PHF14: variants seen among roughly 807,000 people sequenced by gnomAD.
PHF14 encodes PHD finger protein 14.
Under a neutral mutation model 117.9 loss-of-function variants are expected in PHF14, and 55 were observed. The observed-to-expected ratio is 0.47, with a 90% CI of 0.38 to 0.58. The LOEUF (loss-of-function observed/expected upper bound fraction) is 0.58. Ranked by LOEUF, PHF14 falls within the 20% of genes least tolerant of loss-of-function variation. The pLI, the probability that PHF14 is intolerant of heterozygous loss-of-function variation, is 0.00. For synonymous variants in PHF14, 409 were observed against 368.6 expected, an observed-to-expected ratio of 1.11 and a Z score of -1.26; for missense variants, 978 against 1,122.2, an observed-to-expected ratio of 0.87 and a Z score of 1.84.
chr7:10,980,896 G>A (rs780165354), intron 2 of PHF14, among the ~76,000 whole-genome samples: 13 of 152,044 alleles, frequency 8.6e-5, no homozygotes, highest in African/African-American at 2.9e-4. Context: ...TTGCTGACCC[G>A]TATGATATTG....
At chr7:11,044,405 A>C (rs1583405974) in intron 13 of PHF14, among the ~76,000 whole-genome samples, 1 of 152,204 alleles carries the variant, frequency 6.6e-6, no homozygotes, top group Non-Finnish European at 1.5e-5. Context: ...TAAACAACTT[A>C]GAGCCTTTTC....
intron 16 of PHF14, among the ~76,000 whole-genome samples, chr7:11,074,937 C>CT (rs751367742): frequency 0.12 from 15,275 of 132,420 alleles, 1,082 homozygotes; most frequent in African/African-American, 0.18. Context: ...TTTCAGATAT[C>CT]TTTTTTTTTT....
At chr7:11,045,350 G>A (rs760102521) in intron 13 of PHF14, among the ~76,000 whole-genome samples, 2 of 151,974 alleles carry the variant, frequency 1.3e-5, no homozygotes, top group African/African-American at 4.8e-5. Flanking sequence ...TTTCATGACT[G>A]TGCCTTAGTC....
chr7:11,061,726 TATTA>T (rs1298854438), intron 14 of PHF14, 61 bp from the exon 15 acceptor site: 2 of 1,184,230 alleles, frequency 1.7e-6, no homozygotes, highest in Non-Finnish European at 1.1e-6. Context: ...TTATATTTAT[TATTA>T]ATTAAACATT....
intron 13 of PHF14, among the ~76,000 whole-genome samples, chr7:11,050,735 A>T (rs913953107): frequency 3.9e-5 from 6 of 152,182 alleles, no homozygotes; most frequent in African/African-American, 1.4e-4. Flanking sequence ...TTAATTTTTA[A>T]TATTACCCAT....
At chr7:10,974,516 A>G (rs1781796387) in intron 1 of PHF14, among the ~76,000 whole-genome samples, 192 bp downstream of exon 1, 2 of 152,112 alleles carry the variant, frequency 1.3e-5, no homozygotes, top group African/African-American at 4.8e-5. Context: ...ATTGACTGTT[A>G]CGATGTCTAA....
At chr7:11,004,774 G>A (rs1208347286) in intron 4 of PHF14, among the ~76,000 whole-genome samples, 1 of 151,178 alleles carries the variant, frequency 6.6e-6, no homozygotes, top group Non-Finnish European at 1.5e-5. Context: ...GGTGGCTCAT[G>A]CCTGTAATCC....
intron 16 of PHF14, chr7:11,104,518 C>T: frequency 1.0e-6 from 1 of 981,184 alleles, no homozygotes; most frequent in Non-Finnish European, 1.2e-6. Flanking sequence ...ATTTCACAGA[C>T]CTACATAAGA....
chr7:11,035,459 A>C (rs1476391667), intron 7 of PHF14, 181 bp from the exon 8 acceptor site: 2 of 365,628 alleles, frequency 5.5e-6, no homozygotes, highest in African/African-American at 4.2e-5. Context: ...GTTGACATAC[A>C]AGATCAAGTT....
chr7:11,035,930 A>G (rs1396410207), intron 8 of PHF14, 144 bp downstream of exon 8: 4 of 662,028 alleles, frequency 6.0e-6, no homozygotes, highest in Admixed American at 2.6e-5. Context: ...TAAGGTAAAT[A>G]GTGAGTATAA....
intron 17 of PHF14, among the ~76,000 whole-genome samples, chr7:11,142,626 C>G (rs1192427848): frequency 6.6e-6 from 1 of 151,988 alleles, no homozygotes; most frequent in Admixed American, 6.6e-5. Flanking sequence ...CTTGTGACAA[C>G]TTTAACCTAT....
intron 16 of PHF14, among the ~76,000 whole-genome samples, chr7:11,076,699 CT>C (rs1033967833): frequency 6.6e-6 from 1 of 151,272 alleles, no homozygotes; most frequent in African/African-American, 2.4e-5. Flanking sequence ...TCCTGAGTAG[CT>C]GAGATTACAG....
chr7:10,978,755 C>T (rs960129343), intron 2 of PHF14, among the ~76,000 whole-genome samples: 1 of 152,158 alleles, frequency 6.6e-6, no homozygotes, highest in Non-Finnish European at 1.5e-5. Flanking sequence ...CCTCCACCTC[C>T]ACTTCCACTG....
At chr7:11,136,478 C>T (rs1158117876) in intron 17 of PHF14, among the ~76,000 whole-genome samples, 2 of 152,068 alleles carry the variant, frequency 1.3e-5, no homozygotes, top group African/African-American at 4.8e-5. Flanking sequence ...TCAGAAATTT[C>T]ATTTCACCAT....
intron 17 of PHF14, among the ~76,000 whole-genome samples, chr7:11,165,975 A>G (rs1789191803): frequency 6.6e-6 from 1 of 152,176 alleles, no homozygotes; most frequent in Non-Finnish European, 1.5e-5. Flanking sequence ...CATTCTCACT[A>G]CAATTCTGTC....
At chr7:11,144,615 A>G (rs982842793) in intron 17 of PHF14, among the ~76,000 whole-genome samples, 1 of 148,678 alleles carries the variant, frequency 6.7e-6, no homozygotes, top group Non-Finnish European at 1.5e-5. Context: ...ATAATAATAT[A>G]TAATTATATT....
intron 16 of PHF14, chr7:11,105,241 C>A (rs1787219541): frequency 1.0e-6 from 1 of 957,970 alleles, no homozygotes; most frequent in African/African-American, 1.8e-5. Flanking sequence ...GTTTATAGAT[C>A]ATTGTCATTC....
intron 3 of PHF14, 126 bp downstream of exon 3, chr7:10,983,285 G>A (rs1583327116): frequency 1.0e-6 from 1 of 976,436 alleles, no homozygotes; most frequent in Non-Finnish European, 1.5e-6. Context: ...GGATGAATGA[G>A]CACCCTAACT....
intron 16 of PHF14, among the ~76,000 whole-genome samples, chr7:11,087,389 A>G (rs1269495254): frequency 6.6e-6 from 1 of 151,996 alleles, no homozygotes; most frequent in Non-Finnish European, 1.5e-5. Flanking sequence ...ACGGGGTATC[A>G]CCATGTTGGC....
Sources: gnomAD v4.1 joint callset for allele counts (sites outside exome capture counted in the v4.1 genomes callset) on GRCh38, gnomAD v4.1.1 for gene constraint, MANE v1.5 for transcripts, NCBI Gene and HGNC (gene_info 2026-07-23, HGNC 2026-07-21) for gene names.